The following NIPBL variants were observed in gnomAD, a reference collection of about 807,000 sequenced individuals.
The protein encoded by NIPBL is nipped-B-like protein.
NIPBL carries 19 observed loss-of-function variants against 321.8 expected under a neutral mutation model. The observed-to-expected ratio is 0.06, with a 90% confidence interval of 0.04 to 0.09. The LOEUF is 0.09. Among genes scored for constraint, NIPBL ranks in the 10% least tolerant of loss-of-function variants. The pLI is 1.00. For missense variants in NIPBL, 2,210 were observed against 3,327.0 expected, an observed-to-expected ratio of 0.66 and a Z score of 8.26; for synonymous variants, 1,106 against 1,114.1, an observed-to-expected ratio of 0.99 and a Z score of 0.14.
Position 36,995,848 on chromosome 5 carries a change from G to A in NIPBL, c.3304+44G>A, listed in dbSNP as rs376142190. On this transcript the variant is annotated intron_variant, in intron 11 of 46. Coordinates refer to ENST00000282516, the MANE Select transcript of NIPBL (RefSeq NM_133433.4). ...TTTGTTATTATTTTAGAGTTTAAAA[G>A]CAGGTTGATGTGTTTTTCTCATTTA... The A allele has an allele frequency of 4.6e-6, 7 of 1,532,840 alleles. No homozygotes were observed. The African/African-American group carries it at 9.6e-5, about 21-fold the overall frequency. 95.0% of individuals were successfully genotyped at this position (1,532,840 alleles called of 1,614,324 possible). A position where few individuals can be genotyped will look rare whatever the true frequency, so the allele number is the denominator to read the frequency against.
chr5:36,961,744 A>T (rs548180926), intron 5 of NIPBL, among the ~76,000 whole-genome samples, 161 bp downstream of exon 5: 1 of 152,214 alleles, frequency 6.6e-6, no homozygotes, highest in Non-Finnish European at 1.5e-5. Context: ...AATGTTGTAT[A>T]TGGAAATAGT....
At chr5:37,063,658 G>A in intron 45 of NIPBL, 132 bp from the exon 46 acceptor site, 2 of 826,536 alleles carry the variant, frequency 2.4e-6, no homozygotes, top group East Asian at 5.3e-5. Flanking sequence ...ATGTTTACTA[G>A]CCCCTAATTT....
At chr5:36,968,108 A>C (rs1475432684) in intron 6 of NIPBL, among the ~76,000 whole-genome samples, 67 of 147,890 alleles carry the variant, frequency 4.5e-4, no homozygotes, top group Admixed American at 1.3e-3. Context: ...AAAAAAAAAA[A>C]AAACAAAAAA....
chr5:36,903,613 A>G (rs1206182056), intron 1 of NIPBL, among the ~76,000 whole-genome samples: 1 of 152,152 alleles, frequency 6.6e-6, no homozygotes, highest in Non-Finnish European at 1.5e-5. Context: ...TGCTCACTAA[A>G]TGTTTGGGCT....
At position 37,036,347 on chromosome 5, in the gene NIPBL, GTA is replaced by G. The variant is rs10554564; in HGVS notation, c.5863-12_5863-11del. 162,361 of 371,810 alleles carry G rather than the reference GTA, an allele frequency of 0.44. 22,045 individuals are homozygous for G. The highest frequency in any genetic ancestry group is 0.61 in the African/African-American group (25,260 of 41,100). 23.0% of individuals were successfully genotyped at this position (371,810 alleles called of 1,614,324 possible). A position where few individuals can be genotyped will look rare whatever the true frequency, so the allele number is the denominator to read the frequency against. On this transcript the variant is annotated intron_variant, in intron 32 of 46. Coordinates refer to ENST00000282516, the MANE Select transcript of NIPBL (RefSeq NM_133433.4). ...TTTTTTCTTTTTTGTATATATATAT[GTA>G]TATATATATATATATATATGTATAT...
intron 1 of NIPBL, among the ~76,000 whole-genome samples, chr5:36,896,127 C>G (rs1746716217): frequency 6.6e-6 from 1 of 152,190 alleles, no homozygotes; most frequent in South Asian, 2.1e-4. Context: ...AGGTAGGGAT[C>G]CAACTTCATT....
intron 9 of NIPBL, among the ~76,000 whole-genome samples, chr5:36,984,000 G>A (rs556591154): frequency 1.1e-4 from 16 of 152,006 alleles, no homozygotes; most frequent in African/African-American, 1.9e-4. Flanking sequence ...TATGAAATCT[G>A]TTGCTTCCTT....
At chr5:36,943,000 A>T (rs928570013) in intron 1 of NIPBL, among the ~76,000 whole-genome samples, 1 of 152,156 alleles carries the variant, frequency 6.6e-6, no homozygotes, top group African/African-American at 2.4e-5. Context: ...TTAGTTAAAA[A>T]AAAACCCTTC....
intron 32 of NIPBL, among the ~76,000 whole-genome samples, chr5:37,030,919 CT>C (rs11291612): frequency 0.16 from 12,946 of 82,454 alleles, 762 homozygotes; most frequent in African/African-American, 0.26. Context: ...CATGTTTAGC[CT>C]TTTTTTTTTT....
intron 46 of NIPBL, 96 bp downstream of exon 46, chr5:37,064,074 A>G: frequency 1.3e-6 from 2 of 1,518,764 alleles, no homozygotes; most frequent in Non-Finnish European, 1.8e-6. Context: ...TACACCAAGT[A>G]ATGTAATACT....
At chr5:36,881,029 T>C (rs1295469757) in intron 1 of NIPBL, among the ~76,000 whole-genome samples, 1 of 152,056 alleles carries the variant, frequency 6.6e-6, no homozygotes, top group East Asian at 1.9e-4. Context: ...GTGCTGACAC[T>C]GACACCATTT....
In NIPBL at chr5:36,912,393, G is replaced by T. The variant is rs78499849; in HGVS notation, c.-80+35215G>T. 6.2e-4 allele frequency among the ~76,000 whole-genome samples: 94 copies of T among 152,208 alleles called. 1 individual carries two copies. Among genetic ancestry groups the T allele is most frequent in the African/African-American group, 2.3e-3 (94 of 41,544 alleles). The stretch of plus-strand genomic sequence containing the variant: ...GCCAGTTGAAGATGTCCAGCAGTCA[G>T]TTGGTTATATAAGACTCAGGTTTAT... On this transcript the variant is annotated intron_variant, in intron 1 of 46. Transcript: ENST00000282516.
At chr5:36,880,655 G>A (rs1745433122) in intron 1 of NIPBL, among the ~76,000 whole-genome samples, 1 of 152,008 alleles carries the variant, frequency 6.6e-6, no homozygotes, top group Admixed American at 6.5e-5. Flanking sequence ...GAGCGTACTA[G>A]GTTAGGTTTG....
At chr5:37,018,747 C>G (rs923995799) in intron 24 of NIPBL, among the ~76,000 whole-genome samples, 11 of 152,174 alleles carry the variant, frequency 7.2e-5, no homozygotes, top group African/African-American at 2.7e-4. Context: ...CTTCCTACCT[C>G]TGAAGATTTA....
intron 1 of NIPBL, chr5:36,885,449 A>G: frequency 2.1e-6 from 1 of 469,546 alleles, no homozygotes; most frequent in Non-Finnish European, 4.1e-6. Flanking sequence ...GAACAAGGAG[A>G]CCCTCCAAAG....
chr5:36,902,982 A>C (rs1201610097), intron 1 of NIPBL, among the ~76,000 whole-genome samples: 2 of 152,070 alleles, frequency 1.3e-5, no homozygotes, highest in African/African-American at 4.8e-5. Context: ...GAGATCTTTC[A>C]CATCCCTGGT....
At chr5:37,016,428 ATTG>A (rs767181211) in intron 23 of NIPBL, among the ~76,000 whole-genome samples, 6 of 151,500 alleles carry the variant, frequency 4.0e-5, no homozygotes, top group Admixed American at 6.6e-5. Flanking sequence ...GAAATGTTAT[ATTG>A]TTAAAAGCAT....
At chr5:36,953,894 G>GA (rs923888273) in intron 2 of NIPBL, 134 bp downstream of exon 2, 1,794 of 664,626 alleles carry the variant, frequency 2.7e-3, no homozygotes, top group East Asian at 3.7e-3. Context: ...GCCCTTTAAA[G>GA]AAAAAAAAAA....
At chr5:37,046,012 C>T (rs1752944152) in intron 37 of NIPBL, 97 bp from the exon 38 acceptor site, 2 of 707,618 alleles carry the variant, frequency 2.8e-6, no homozygotes, top group South Asian at 1.6e-5. Flanking sequence ...AAAGTTCACA[C>T]AAATTCTCAT....
Sources: gnomAD v4.1 joint callset for allele counts (sites outside exome capture counted in the v4.1 genomes callset) on GRCh38, gnomAD v4.1.1 for gene constraint, MANE v1.5 for transcripts, NCBI Gene and HGNC (gene_info 2026-07-23, HGNC 2026-07-21) for gene names.